Variants in ZFAND3 observed in about 807,000 individuals in gnomAD.
ZFAND3 encodes AN1-type zinc finger protein 3.
In ZFAND3, 10 loss-of-function variants were observed where a neutral mutation model predicts 29.6. The observed-to-expected ratio is 0.34, with a 90% confidence interval of 0.21 to 0.57. The LOEUF (loss-of-function observed/expected upper bound fraction) is 0.57, where lower values mean the gene tolerates loss of function less well. Among genes scored for constraint, ZFAND3 ranks in the 20% least tolerant of loss-of-function variants. ZFAND3 has a pLI of 0.86. For synonymous variants in ZFAND3, 128 were observed against 112.6 expected (o/e 1.14, Z -0.87); for missense variants, 230 against 304.5 (o/e 0.76, Z 1.82).
Position 37,914,672 on chromosome 6 carries a change from C to CTTTTTTTTTTTTTTTTTTTTTTT in ZFAND3, c.72-15277_72-15276insTTTTTTTTTTTTTTTTTTTTTTT, listed in dbSNP as rs71542148. ...TTTCTTTCTTTCTTTCTTTTTTTTT[C>CTTTTTTTTTTTTTTTTTTTTTTT]TTTTTTTTTTAGTGGAGACGGGGTT... On this transcript the variant is annotated intron_variant, in intron 1 of 5. Coordinates refer to ENST00000287218, the MANE Select transcript of ZFAND3 (RefSeq NM_021943.3). Among the ~76,000 whole-genome samples, 276 of 114,064 alleles carry CTTTTTTTTTTTTTTTTTTTTTTT rather than the reference C, an allele frequency of 2.4e-3. 5 individuals carry two copies. The highest frequency in any genetic ancestry group is 3.6e-3 in the Non-Finnish European group (203 of 56,460). 74.8% of individuals were successfully genotyped at this position (114,064 alleles called of 152,430 possible).
At chr6:37,939,224 T>C (rs1761758644) in intron 2 of ZFAND3, among the ~76,000 whole-genome samples, 1 of 152,212 alleles carries the variant, frequency 6.6e-6, no homozygotes, top group Non-Finnish European at 1.5e-5. Context: ...ACCAAGGTAA[T>C]GGCAGGGTTG....
intron 1 of ZFAND3, among the ~76,000 whole-genome samples, chr6:37,879,352 G>A (rs541870899): frequency 6.7e-6 from 1 of 150,268 alleles, no homozygotes; most frequent in Non-Finnish European, 1.5e-5. Context: ...TTTTTTTTGT[G>A]GGGGAGCGGG....
At chr6:37,850,559 C>G (rs1157261465) in intron 1 of ZFAND3, among the ~76,000 whole-genome samples, 1 of 152,102 alleles carries the variant, frequency 6.6e-6, no homozygotes, top group East Asian at 1.9e-4. Context: ...TACACAAATA[C>G]CACTGTGTCA....
chr6:38,100,181 A>G (rs1164157279), intron 4 of ZFAND3, among the ~76,000 whole-genome samples: 1 of 151,998 alleles, frequency 6.6e-6, no homozygotes, highest in Non-Finnish European at 1.5e-5. Flanking sequence ...CTTCTGCCTC[A>G]GCCTCCCAAG....
rs934633141 is a variant in ZFAND3, at chr6:38,154,275, C to T, written c.*1886C>T. ...TCCCGGCCCTCCCCAGGGCCCCCCG[C>T]CCCCTCCTCTGCCTGCTGCGTGGAG... On this transcript the variant is annotated 3_prime_UTR_variant, in exon 6 of 6. Coordinates refer to ENST00000287218, the MANE Select transcript of ZFAND3 (RefSeq NM_021943.3). 82 of 985,484 alleles carry T rather than the reference C, an allele frequency of 8.3e-5. No homozygotes were observed. The African/African-American group carries it at 1.1e-3, about 13-fold the overall frequency. 61.0% of individuals were successfully genotyped at this position (985,484 alleles called of 1,614,324 possible).
Position 37,882,861 on chromosome 6 carries a change from C to T in ZFAND3, c.72-47098C>T, listed in dbSNP as rs1469641487. On this transcript the variant is annotated intron_variant, in intron 1 of 5. Transcript: ENST00000287218. ...TGTGTTTATCCCATAAACATTTTCT[C>T]TTGCTCAGGACATTCCAGTGGTTGC... is the stretch of plus-strand genomic sequence containing the variant. Among the ~76,000 whole-genome samples, 4 of 152,196 alleles carry T rather than the reference C, an allele frequency of 2.6e-5. 1 individual carries two copies. Among genetic ancestry groups the T allele is most frequent in the East Asian group, 1.9e-4 (1 of 5,202 alleles).
At chr6:38,017,549 C>A (rs1399933171) in intron 2 of ZFAND3, among the ~76,000 whole-genome samples, 1 of 152,088 alleles carries the variant, frequency 6.6e-6, no homozygotes, top group Non-Finnish European at 1.5e-5. Flanking sequence ...CTTGTCTTTT[C>A]ATTTTGTGAA....
intron 2 of ZFAND3, among the ~76,000 whole-genome samples, chr6:38,027,994 A>C (rs1054124181): frequency 3.9e-5 from 6 of 152,208 alleles, no homozygotes; most frequent in Non-Finnish European, 7.3e-5. Context: ...GGCATTCCCC[A>C]GGGCATTGTT....
At chr6:37,844,494 G>T (rs1227158289) in intron 1 of ZFAND3, among the ~76,000 whole-genome samples, 2 of 149,540 alleles carry the variant, frequency 1.3e-5, no homozygotes, top group African/African-American at 4.9e-5. Flanking sequence ...TGTTAGCCAG[G>T]ATGGTCTTGA....
intron 2 of ZFAND3, among the ~76,000 whole-genome samples, chr6:37,939,462 C>G (rs903909036): frequency 6.6e-6 from 1 of 152,184 alleles, no homozygotes; most frequent in African/African-American, 2.4e-5. Context: ...AAATCCTTAA[C>G]TTAATTACAT....
chr6:37,819,902 G>A lies in ZFAND3; in HGVS notation c.-44G>A. On this transcript the variant is annotated 5_prime_UTR_variant, in exon 1 of 6. Transcript: ENST00000287218. ...CTCAGAGCGGGGCCCGGGCCCAGCC[G>A]CCGCCACCGCTGCCGCCGCCGAGCT... 8.7e-7 allele frequency: 1 copy of A among 1,152,256 alleles called. No individual in the cohort carries two copies. Among genetic ancestry groups the A allele is most frequent in the South Asian group, 4.1e-5 (1 of 24,578 alleles). The allele number at this position is 1,152,256 out of a possible 1,614,324, so 71.4% of individuals were successfully genotyped here.
intron 1 of ZFAND3, among the ~76,000 whole-genome samples, chr6:37,861,975 A>G (rs1299354860): frequency 6.6e-6 from 1 of 152,244 alleles, no homozygotes. Context: ...CACTGATGCA[A>G]ATGGAATAAT....
At chr6:38,084,615 AC>A (rs1330657030) in intron 4 of ZFAND3, among the ~76,000 whole-genome samples, 2 of 152,152 alleles carry the variant, frequency 1.3e-5, no homozygotes, top group Non-Finnish European at 2.9e-5. Context: ...TATATTGATC[AC>A]GTTCTTTGTT....
intron 4 of ZFAND3, among the ~76,000 whole-genome samples, chr6:38,084,792 T>C (rs1188856658): frequency 2.0e-5 from 3 of 152,148 alleles, no homozygotes; most frequent in African/African-American, 7.2e-5. Flanking sequence ...GGAAGGAAAT[T>C]AATGCAATGT....
intron 2 of ZFAND3, among the ~76,000 whole-genome samples, chr6:37,964,786 A>G (rs73421433): frequency 0.068 from 10,377 of 152,198 alleles, 426 homozygotes; most frequent in Non-Finnish European, 0.087. Flanking sequence ...TCAGGACTCT[A>G]TGGCTTAGTG....
chr6:38,001,323 A>G (rs1018435768), intron 2 of ZFAND3, among the ~76,000 whole-genome samples: 2 of 152,184 alleles, frequency 1.3e-5, no homozygotes. Flanking sequence ...CAGATCCATT[A>G]CTACTAGTGT....
chr6:37,962,497 A>G (rs1762214978), intron 2 of ZFAND3, among the ~76,000 whole-genome samples: 2 of 152,204 alleles, frequency 1.3e-5, no homozygotes, highest in South Asian at 2.1e-4. Context: ...TGAGAGGTGA[A>G]GCCGGCTGGG....
chr6:38,053,607 C>T (rs1039401914), intron 2 of ZFAND3, among the ~76,000 whole-genome samples: 4 of 152,028 alleles, frequency 2.6e-5, no homozygotes, highest in Non-Finnish European at 5.9e-5. Context: ...TCGCTTGAAC[C>T]GAAGAGGCTT....
intron 2 of ZFAND3, among the ~76,000 whole-genome samples, chr6:38,058,157 C>T (rs1225478289): frequency 6.6e-6 from 1 of 152,152 alleles, no homozygotes; most frequent in Non-Finnish European, 1.5e-5. Flanking sequence ...TCTTTAGATA[C>T]CAACATCCTT....
Sources: allele counts gnomAD v4.1 joint callset (sites outside exome capture counted in the v4.1 genomes callset), GRCh38; gene constraint gnomAD v4.1.1; transcripts MANE v1.5; gene names NCBI Gene and HGNC (gene_info 2026-07-23, HGNC 2026-07-21).